RPS11: variants seen among roughly 807,000 people sequenced by gnomAD.
The protein encoded by RPS11 is small ribosomal subunit protein uS17.
For missense variants in RPS11, 127 were observed against 211.4 expected (o/e 0.60, Z 2.48); for synonymous variants, 107 against 78.0 (o/e 1.37, Z -1.96).
chr19:49,498,224 T>C, intron 4 of RPS11, 178 bp downstream of exon 4: 1 of 654,560 alleles, frequency 1.5e-6, no homozygotes, highest in Non-Finnish European at 2.6e-6. Flanking sequence ...TTCTACAGGG[T>C]GAATATCTCT....
chr19:49,497,072 G>A (rs1403502104), intron 1 of RPS11, 122 bp from the exon 2 acceptor site: 18 of 1,181,344 alleles, frequency 1.5e-5, no homozygotes, highest in Non-Finnish European at 1.9e-5. Flanking sequence ...GGCCTTGGAC[G>A]CCGGCGCTTT....
chr19:49,499,706 T>C lies in RPS11; in HGVS notation c.*71T>C. On this transcript the variant is annotated 3_prime_UTR_variant, in exon 5 of 5. Transcript: ENST00000270625. The stretch of plus-strand genomic sequence containing the variant: ...TCATTCCCAGGCCAGACTTGGGATC[T>C]TCCGCGCCTTTACCAGAGCATTGGT... 6.4e-7 allele frequency: 1 copy of C among 1,558,452 alleles called. No homozygotes were observed. Among genetic ancestry groups the C allele is most frequent in the Non-Finnish European group, 8.8e-7 (1 of 1,142,112 alleles).
At chr19:49,497,673 GGT>G in intron 3 of RPS11, 78 bp downstream of exon 3, 1 of 1,362,120 alleles carries the variant, frequency 7.3e-7, no homozygotes, top group Non-Finnish European at 1.1e-6. Context: ...CTGGGTCCTG[GGT>G]GAGAGGGGTG....
At position 49,497,533 on chromosome 19, in the gene RPS11, C is replaced by T; in HGVS notation, c.161C>T (p.Thr54Ile). 7.4e-6 allele frequency: 12 copies of T among 1,613,860 alleles called. No individual in the cohort carries two copies. Among genetic ancestry groups the T allele is most frequent in the Non-Finnish European group, 1.0e-5 (12 of 1,179,908 alleles). The change falls in exon 3 of 5, where the codon ACC becomes ATC. Residue 54 changes from threonine (T) to isoleucine (I), a missense_variant. Physicochemically the swap from Thr to Ile is moderately conservative, Grantham distance 89. Coordinates refer to ENST00000270625, the MANE Select transcript of RPS11 (RefSeq NM_001015.5). ...FKTPKEAIEG[T>I]YIDKKCPFTG... ...CTATCCTTTCAGGCTATTGAGGGCACCTACATTGACAAGAAATGCCCCTTC... is the reference window on the plus strand; with the variant it reads ...CTATCCTTTCAGGCTATTGAGGGCATCTACATTGACAAGAAATGCCCCTTC...
chr19:49,496,962 C>T (rs1467171703), intron 1 of RPS11, among the ~76,000 whole-genome samples: 2 of 151,978 alleles, frequency 1.3e-5, no homozygotes, highest in Non-Finnish European at 2.9e-5. Context: ...GAGAGGCCTT[C>T]TGGAGTATAT....
At position 49,499,646 on chromosome 19, in the gene RPS11, C is replaced by G. The variant is rs367956990; in HGVS notation, c.*11C>G. 1 of 1,612,384 alleles carries G rather than the reference C, an allele frequency of 6.2e-7. No homozygotes were observed. On this transcript the variant is annotated 3_prime_UTR_variant, in exon 5 of 5. Transcript: ENST00000270625. ...TTCCAGAAGTTCTGAGGCTGGACATCGGCCCGCTCCCCACAATGAAATAAA... is the reference window on the plus strand; with the variant it reads ...TTCCAGAAGTTCTGAGGCTGGACATGGGCCCGCTCCCCACAATGAAATAAA...
In RPS11 at chr19:49,496,470, A is replaced by T. The variant is rs2079906681; in HGVS notation, c.14A>T (p.Gln5Leu). Residue 5 changes from glutamine to leucine, a missense_variant and splice_region_variant, in exon 1 of 5, where the codon CAG (glutamine) becomes CTG (leucine). Gln to Leu is a moderately radical substitution (Grantham distance 113, BLOSUM62 -2). Coordinates refer to ENST00000270625, the MANE Select transcript of RPS11 (RefSeq NM_001015.5). MADI[Q>L]TERAYQKQPT... is the part of the protein sequence containing the mutation. ...GCGGCCGGGAAGATGGCGGACATTC[A>T]GGTGCGGACTCGGGGTTGGATGCCA... 1 of 1,611,282 alleles carries T rather than the reference A, an allele frequency of 6.2e-7. No homozygotes were observed. The highest frequency in any genetic ancestry group is 8.5e-7 in the Non-Finnish European group (1 of 1,178,872).
chr19:49,497,642 AG>A (rs2079913478), intron 3 of RPS11, 47 bp downstream of exon 3: 1 of 1,566,202 alleles, frequency 6.4e-7, no homozygotes, highest in Non-Finnish European at 8.8e-7. Context: ...TACTGAAAGA[AG>A]GGTCTTGGGG....
chr19:49,496,985 C>T (rs79156527), intron 1 of RPS11, among the ~76,000 whole-genome samples: 5,460 of 152,026 alleles, frequency 0.036, 171 homozygotes, highest in African/African-American at 0.082. Context: ...ATTGAAATAA[C>T]CTCGGGCTTA....
In RPS11 at chr19:49,497,244, G is replaced by A; in HGVS notation, c.66G>A (p.Arg22=). ...KQPTIFQNKK[R]VLLGETGKEK... is the part of the protein sequence containing the mutation. Reference sequence around the variant, plus strand: ...CGACCATCTTTCAAAACAAGAAGAGGGTCCTGCTGGGAGAAACTGGCAAGG... The same window carrying A: ...CGACCATCTTTCAAAACAAGAAGAGAGTCCTGCTGGGAGAAACTGGCAAGG... Residue 22 remains arginine, a synonymous_variant, in exon 2 of 5, where the codon AGG becomes AGA. Coordinates refer to ENST00000270625, the MANE Select transcript of RPS11 (RefSeq NM_001015.5). The A allele has an allele frequency of 1.9e-6, 3 of 1,614,042 alleles. No homozygotes were observed. Among genetic ancestry groups the A allele is most frequent in the Non-Finnish European group, 2.5e-6 (3 of 1,180,018 alleles).
At position 49,497,363 on chromosome 19, in the gene RPS11, G is replaced by A. The variant is rs189353326; in HGVS notation, c.147+38G>A. On this transcript the variant is annotated intron_variant, in intron 2 of 4. Transcript: ENST00000270625. Reference sequence around the variant, plus strand: ...TCAGAAGAAAGAAGGGGAACCTGGCGTTCCTGCACGTGTGCCCACGACGAG... The same window carrying A: ...TCAGAAGAAAGAAGGGGAACCTGGCATTCCTGCACGTGTGCCCACGACGAG... 6.2e-6 allele frequency: 10 copies of A among 1,612,942 alleles called. No homozygotes were observed. In the South Asian group the frequency reaches 6.6e-5, roughly 11 times the overall value.
At position 49,497,304 on chromosome 19, in the gene RPS11, G is replaced by A. The variant is rs891536995; in HGVS notation, c.126G>A (p.Leu42=). ...CGCGGTACTACAAGAACATCGGTCTGGGCTTCAAGACACCCAAGGAGGTGC... is the reference window on the plus strand; with the variant it reads ...CGCGGTACTACAAGAACATCGGTCTAGGCTTCAAGACACCCAAGGAGGTGC... ...KLPRYYKNIG[L]GFKTPKEAIE... The change falls in exon 2 of 5, where the codon CTG becomes CTA. Residue 42 remains leucine (L), a synonymous_variant. Transcript: ENST00000270625. 1.2e-6 allele frequency: 2 copies of A among 1,614,112 alleles called. No individual in the cohort carries two copies. The highest frequency in any genetic ancestry group is 1.7e-6 in the Non-Finnish European group (2 of 1,180,028).
At chr19:49,499,445 A>C (rs1041261002) in intron 4 of RPS11, 67 bp from the exon 5 acceptor site, 1 of 1,553,808 alleles carries the variant, frequency 6.4e-7, no homozygotes, top group African/African-American at 1.4e-5. Flanking sequence ...GGTGAAGGGG[A>C]GGGAGGGCCT....
At chr19:49,499,107 G>A (rs907674529) in intron 4 of RPS11, among the ~76,000 whole-genome samples, 7 of 152,202 alleles carry the variant, frequency 4.6e-5, no homozygotes, top group Admixed American at 2.0e-4. Flanking sequence ...GATCTTGGGA[G>A]CAAGGTGAGG....
intron 3 of RPS11, 153 bp downstream of exon 3, chr19:49,497,748 C>G (rs773658895): frequency 1.7e-6 from 2 of 1,155,290 alleles, no homozygotes; most frequent in Admixed American, 1.7e-5. Context: ...TCACGATGGT[C>G]TTCAGATGCC....
At position 49,497,785 on chromosome 19, in the gene RPS11, T is replaced by G. The variant is rs751835496; in HGVS notation, c.224-132T>G. 8 of 1,361,284 alleles carry G rather than the reference T, an allele frequency of 5.9e-6. No individual in the cohort carries two copies. The South Asian group carries it at 9.4e-5, about 16-fold the overall frequency. 84.3% of individuals were successfully genotyped at this position (1,361,284 alleles called of 1,614,324 possible). A position where few individuals can be genotyped will look rare whatever the true frequency, so the allele number is the denominator to read the frequency against. On this transcript the variant is annotated intron_variant, in intron 3 of 4. Coordinates refer to ENST00000270625, the MANE Select transcript of RPS11 (RefSeq NM_001015.5). ...ACGTGGGCACTGCTGAGAAAGCCAC[T>G]TGGTAAAACTGATGCCGGAAATGGG...
chr19:49,498,164 G>C, intron 4 of RPS11, 118 bp downstream of exon 4: 1 of 1,132,120 alleles, frequency 8.8e-7, no homozygotes, highest in African/African-American at 1.5e-5. Flanking sequence ...TCTCTGGGAA[G>C]CCCCAGAATC....
intron 4 of RPS11, among the ~76,000 whole-genome samples, chr19:49,498,637 G>C (rs147795321): frequency 6.6e-6 from 1 of 152,122 alleles, no homozygotes; most frequent in Non-Finnish European, 1.5e-5. Flanking sequence ...GTAGTCTCAG[G>C]TCTTCAGGCG....
Position 49,497,185 on chromosome 19 carries a change from A to C in RPS11, c.16-9A>C, listed in dbSNP as rs557956254. ...AGCAGCTCATCAGTTTTCTCCTCAT[A>C]ATCTGTAGACTGAGCGTGCCTACCA... On this transcript the variant is annotated splice_polypyrimidine_tract_variant and intron_variant, in intron 1 of 4. Transcript: ENST00000270625. 1.9e-6 allele frequency: 3 copies of C among 1,590,092 alleles called. No homozygotes were observed. The African/African-American group carries it at 5.4e-5, about 29-fold the overall frequency.
Sources: gnomAD v4.1 joint callset for allele counts (sites outside exome capture counted in the v4.1 genomes callset) on GRCh38, gnomAD v4.1.1 for gene constraint, MANE v1.5 for transcripts, NCBI Gene and HGNC (gene_info 2026-07-23, HGNC 2026-07-21) for gene names.